FRYL: variants seen among roughly 807,000 people sequenced by gnomAD.
The protein encoded by FRYL is protein furry homolog-like.
A neutral mutation model predicts 351.2 loss-of-function variants in FRYL; 150 were observed. That is an observed-to-expected ratio of 0.43 (90% CI 0.37 to 0.49). FRYL has a LOEUF of 0.49. Among genes scored for constraint, FRYL ranks in the 20% least tolerant of loss-of-function variants. The pLI is 0.00. For synonymous variants in FRYL, 1,153 were observed against 1,257.1 expected, an observed-to-expected ratio of 0.92 and a Z score of 1.75; for missense variants, 3,036 against 3,619.3, an observed-to-expected ratio of 0.84 and a Z score of 4.13.
chr4:48,761,084 T>C (rs1418788787), intron 1 of FRYL, among the ~76,000 whole-genome samples: 1 of 151,772 alleles, frequency 6.6e-6, no homozygotes, highest in Non-Finnish European at 1.5e-5. Context: ...AAGGATCTTC[T>C]TGCTTTCTAC....
chr4:48,602,134 G>A lies in FRYL; in HGVS notation c.934-13C>T, dbSNP rs375156684. On this transcript the variant is annotated splice_polypyrimidine_tract_variant and intron_variant, in intron 12 of 63. Transcript: ENST00000358350. Reference sequence around the variant, plus strand: ...GTGGATATAAAGCCTATAGGAGACGGGGAAAAGACAGAATTAACATTTTTC... The same window carrying A: ...GTGGATATAAAGCCTATAGGAGACGAGGAAAAGACAGAATTAACATTTTTC... 1.5e-5 allele frequency: 20 copies of A among 1,312,576 alleles called. No individual in the cohort carries two copies. In the African/African-American group the frequency reaches 2.9e-4, roughly 19 times the overall value. 81.3% of individuals were successfully genotyped at this position (1,312,576 alleles called of 1,614,324 possible). A position where few individuals can be genotyped will look rare whatever the true frequency, so the allele number is the denominator to read the frequency against.
chr4:48,502,118 C>A (rs1719823192), intron 61 of FRYL, among the ~76,000 whole-genome samples: 1 of 152,042 alleles, frequency 6.6e-6, no homozygotes, highest in East Asian at 1.9e-4. Flanking sequence ...CATTTATCAA[C>A]AAATGCTTGA....
At chr4:48,681,500 G>A (rs1450826898) in intron 3 of FRYL, among the ~76,000 whole-genome samples, 2 of 152,164 alleles carry the variant, frequency 1.3e-5, no homozygotes, top group African/African-American at 4.8e-5. Flanking sequence ...GGCCTGAGGT[G>A]TGTCTTCCTT....
intron 4 of FRYL, among the ~76,000 whole-genome samples, chr4:48,629,459 T>TTCAG (rs555347305): frequency 6.6e-6 from 1 of 152,190 alleles, no homozygotes; most frequent in East Asian, 1.9e-4. Flanking sequence ...AGTCTGTTCA[T>TTCAG]TCAGTCAGTC....
chr4:48,619,424 C>T (rs1750201355), intron 6 of FRYL, 54 bp from the exon 7 acceptor site: 3 of 971,586 alleles, frequency 3.1e-6, no homozygotes, highest in Non-Finnish European at 4.5e-6. Flanking sequence ...TTTAAAAATA[C>T]CTGTTAGTTA....
At chr4:48,748,015 G>A (rs1021328356) in intron 1 of FRYL, among the ~76,000 whole-genome samples, 11 of 152,220 alleles carry the variant, frequency 7.2e-5, no homozygotes, top group Admixed American at 7.2e-4. Context: ...GGAGGCTGAA[G>A]AGGGCAGATC....
chr4:48,749,870 T>TAC (rs1250033632), intron 1 of FRYL, among the ~76,000 whole-genome samples: 1 of 152,176 alleles, frequency 6.6e-6, no homozygotes. Context: ...CAGTGGTTCA[T>TAC]ACCTGTAACC....
intron 1 of FRYL, among the ~76,000 whole-genome samples, chr4:48,755,012 G>C (rs1419550463): frequency 6.6e-6 from 1 of 152,160 alleles, no homozygotes; most frequent in Admixed American, 6.5e-5. Flanking sequence ...GTACAGAACT[G>C]TGTACATTGC....
At chr4:48,581,202 G>A (rs745962002) in intron 21 of FRYL, among the ~76,000 whole-genome samples, 7 of 151,806 alleles carry the variant, frequency 4.6e-5, no homozygotes, top group Non-Finnish European at 7.4e-5. Flanking sequence ...CACCACGCCC[G>A]GCTAATTTTT....
intron 1 of FRYL, among the ~76,000 whole-genome samples, chr4:48,764,629 C>A (rs906263421): frequency 6.6e-6 from 1 of 151,782 alleles, no homozygotes; most frequent in African/African-American, 2.4e-5. Context: ...TTTACAACAA[C>A]ATCAAGAAGA....
chr4:48,525,725 TTGTATA>T (rs1726003370), intron 53 of FRYL, among the ~76,000 whole-genome samples: 3 of 151,878 alleles, frequency 2.0e-5, no homozygotes, highest in Admixed American at 6.6e-5. Flanking sequence ...TGTATATGAG[TTGTATA>T]TGTATATGTA....
At chr4:48,535,433 G>A (rs1454357797) in intron 48 of FRYL, among the ~76,000 whole-genome samples, 1 of 152,002 alleles carries the variant, frequency 6.6e-6, no homozygotes, top group Non-Finnish European at 1.5e-5. Flanking sequence ...TTGATAGGAA[G>A]TAACTTATAT....
chr4:48,731,400 C>A (rs761025999), intron 1 of FRYL, among the ~76,000 whole-genome samples: 7 of 152,192 alleles, frequency 4.6e-5, no homozygotes, highest in African/African-American at 1.7e-4. Context: ...CATCAAGCTA[C>A]CACAGACTTT....
At chr4:48,595,783 T>G in intron 14 of FRYL, 85 bp from the exon 15 acceptor site, 1 of 1,094,556 alleles carries the variant, frequency 9.1e-7, no homozygotes, top group Non-Finnish European at 1.3e-6. Context: ...TCATAATATA[T>G]TGACAGAATT....
At chr4:48,656,397 T>TTA (rs1759131220) in intron 3 of FRYL, among the ~76,000 whole-genome samples, 4 of 12,056 alleles carry the variant, frequency 3.3e-4, no homozygotes. Context: ...ATATAATTAA[T>TTA]ATATAATTAT....
chr4:48,726,825 T>A (rs1223137532), intron 1 of FRYL, among the ~76,000 whole-genome samples: 1 of 152,188 alleles, frequency 6.6e-6, no homozygotes. Flanking sequence ...GGTACAAACT[T>A]GATATGAGTG....
intron 57 of FRYL, among the ~76,000 whole-genome samples, chr4:48,511,645 CATCAAT>C (rs994506778): frequency 1.6e-4 from 25 of 152,250 alleles, no homozygotes; most frequent in African/African-American, 6.0e-4. Context: ...AAACTTACAA[CATCAAT>C]AAGAATATGA....
At chr4:48,540,237 G>A (rs1328413156) in intron 46 of FRYL, 116 bp downstream of exon 46, 51 of 1,258,950 alleles carry the variant, frequency 4.1e-5, no homozygotes, top group Middle Eastern at 2.6e-4. Context: ...GCTACCTAGC[G>A]TATAAAAACT....
chr4:48,592,116 T>TATATATATATA (rs1553942046), intron 16 of FRYL, among the ~76,000 whole-genome samples: 1 of 84,332 alleles, frequency 1.2e-5, no homozygotes, highest in Non-Finnish European at 2.3e-5. Flanking sequence ...ATATATATAT[T>TATATATATATA]TTATCTAAGT....
Sources: gnomAD v4.1 joint callset for allele counts (sites outside exome capture counted in the v4.1 genomes callset) on GRCh38, gnomAD v4.1.1 for gene constraint, MANE v1.5 for transcripts, NCBI Gene and HGNC (gene_info 2026-07-23, HGNC 2026-07-21) for gene names.